The following MDGA2 variants were observed in gnomAD, a reference collection of about 807,000 sequenced individuals.
MDGA2 encodes MAM domain-containing glycosylphosphatidylinositol anchor protein 2.
MDGA2 carries 40 observed loss-of-function variants against 117.8 expected under a neutral mutation model. The ratio of observed to expected loss-of-function variants is 0.34; its 90% CI spans 0.26 to 0.44. MDGA2 has a LOEUF of 0.44. Among genes scored for constraint, MDGA2 ranks in the 20% least tolerant of loss-of-function variants. The pLI, the probability that MDGA2 is intolerant of heterozygous loss-of-function variation, is 1.00. For missense variants in MDGA2, 1,123 were observed against 1,250.6 expected, an observed-to-expected ratio of 0.90 and a Z score of 1.54; for synonymous variants, 452 against 439.0, an observed-to-expected ratio of 1.03 and a Z score of -0.37.
At chr14:47,472,758 A>G (rs550760188) in intron 1 of MDGA2, among the ~76,000 whole-genome samples, 1 of 152,246 alleles carries the variant, frequency 6.6e-6, no homozygotes, top group East Asian at 1.9e-4. Context: ...TCCTTCTTTT[A>G]CCAGCTGGAT....
At chr14:46,902,527 A>G (rs921397163) in intron 10 of MDGA2, among the ~76,000 whole-genome samples, 4 of 152,118 alleles carry the variant, frequency 2.6e-5, no homozygotes, top group Non-Finnish European at 2.9e-5. Flanking sequence ...CTTCCAAAAT[A>G]TTTGCTTTCT....
intron 5 of MDGA2, among the ~76,000 whole-genome samples, chr14:47,119,107 G>A (rs1326762711): frequency 7.2e-6 from 1 of 139,560 alleles, no homozygotes; most frequent in African/African-American, 2.7e-5. Context: ...CTGGAGTGCA[G>A]TGGCGCAGTT....
Position 47,202,195 on chromosome 14 carries a change from T to TG in MDGA2, c.595+15825dup, listed in dbSNP as rs1885532394. 2.6e-5 allele frequency among the ~76,000 whole-genome samples: 4 copies of TG among 152,132 alleles called. No individual in the cohort carries two copies. The South Asian group carries it at 8.3e-4, about 32-fold the overall frequency. On this transcript the variant is annotated intron_variant, in intron 3 of 16. Coordinates refer to ENST00000399232, the MANE Select transcript of MDGA2 (RefSeq NM_001113498.3). The stretch of plus-strand genomic sequence containing the variant: ...ATCCTTATAATGGGCTTAACACTTT[T>TG]GGGGGCAAATAGCAAGTACTTGATT...
intron 6 of MDGA2, among the ~76,000 whole-genome samples, chr14:47,063,034 C>A (rs1222303847): frequency 6.6e-6 from 1 of 151,972 alleles, no homozygotes. Flanking sequence ...ACAAAATAGA[C>A]ATAACCATGG....
chr14:47,292,123 T>C (rs1469130920), intron 2 of MDGA2, among the ~76,000 whole-genome samples: 2 of 152,208 alleles, frequency 1.3e-5, no homozygotes, highest in Non-Finnish European at 2.9e-5. Context: ...TTATATATCA[T>C]AATCCGCCTG....
At chr14:46,864,115 G>A (rs1881626698) in intron 14 of MDGA2, among the ~76,000 whole-genome samples, 1 of 127,136 alleles carries the variant, frequency 7.9e-6, no homozygotes, top group African/African-American at 3.1e-5. Flanking sequence ...CTAATTAATA[G>A]TGTTAAAACA....
chr14:46,849,680 T>C (rs1190827789), intron 15 of MDGA2, among the ~76,000 whole-genome samples: 3 of 151,930 alleles, frequency 2.0e-5, no homozygotes, highest in African/African-American at 4.8e-5. Context: ...TATTTAGCCA[T>C]AGAAGATGTG....
chr14:47,128,062 C>A (rs1881992875), intron 5 of MDGA2, among the ~76,000 whole-genome samples: 1 of 151,948 alleles, frequency 6.6e-6, no homozygotes, highest in African/African-American at 2.4e-5. Flanking sequence ...AGCTGTGGGA[C>A]CTTGGAAAAT....
At chr14:47,656,591 C>A (rs918594299) in intron 1 of MDGA2, among the ~76,000 whole-genome samples, 2 of 152,086 alleles carry the variant, frequency 1.3e-5, no homozygotes, top group African/African-American at 4.8e-5. Context: ...GTTGGCTGGA[C>A]GCCTGCAAAG....
intron 3 of MDGA2, among the ~76,000 whole-genome samples, chr14:47,167,720 C>A (rs758711769): frequency 6.6e-6 from 1 of 151,928 alleles, no homozygotes; most frequent in Non-Finnish European, 1.5e-5. Context: ...TCAGGAAGGT[C>A]AATCCTAGAA....
At chr14:46,916,788 T>C (rs1883916859) in intron 10 of MDGA2, among the ~76,000 whole-genome samples, 1 of 151,914 alleles carries the variant, frequency 6.6e-6, no homozygotes. Context: ...CAAAGTTTTC[T>C]CTCCCATGGA....
intron 2 of MDGA2, among the ~76,000 whole-genome samples, chr14:47,234,999 T>C (rs1886812891): frequency 6.6e-6 from 1 of 152,166 alleles, no homozygotes; most frequent in Admixed American, 6.5e-5. Context: ...AATTAGAGTA[T>C]GTTGAAATGA....
At chr14:46,982,734 A>AAAAAAAAAAAAAAAAAT (rs1449356596) in intron 8 of MDGA2, among the ~76,000 whole-genome samples, 57 of 130,394 alleles carry the variant, frequency 4.4e-4, no homozygotes, top group Non-Finnish European at 7.4e-4. Flanking sequence ...AAAAAAAAAA[A>AAAAAAAAAAAAAAAAAT]AATCATGTCA....
chr14:47,112,347 C>G (rs1046751806), intron 5 of MDGA2, among the ~76,000 whole-genome samples: 4 of 152,118 alleles, frequency 2.6e-5, no homozygotes, highest in Non-Finnish European at 5.9e-5. Context: ...AACCCATCAC[C>G]TAGGTATTAA....
At chr14:47,049,262 C>A (rs570203108) in intron 7 of MDGA2, among the ~76,000 whole-genome samples, 2 of 152,070 alleles carry the variant, frequency 1.3e-5, no homozygotes, top group East Asian at 1.9e-4. Flanking sequence ...AGATACAATT[C>A]TTCCTTGATA....
At chr14:46,979,245 T>C (rs77754131) in intron 8 of MDGA2, among the ~76,000 whole-genome samples, 1 of 152,018 alleles carries the variant, frequency 6.6e-6, no homozygotes, top group Non-Finnish European at 1.5e-5. Flanking sequence ...ATATGTGTTG[T>C]GTGTGTTCTG....
intron 1 of MDGA2, among the ~76,000 whole-genome samples, chr14:47,510,219 A>G (rs1385981768): frequency 2.0e-5 from 3 of 152,144 alleles, no homozygotes; most frequent in African/African-American, 7.2e-5. Context: ...AAGCAAGAAG[A>G]CAGCAGTCTG....
At chr14:46,893,059 T>C (rs112467098) in intron 10 of MDGA2, among the ~76,000 whole-genome samples, 13 of 152,052 alleles carry the variant, frequency 8.5e-5, no homozygotes, top group Middle Eastern at 3.4e-3. Context: ...CCCATGTTTA[T>C]TGCATCATTA....
At chr14:47,287,767 G>A (rs1051505982) in intron 2 of MDGA2, among the ~76,000 whole-genome samples, 4 of 152,076 alleles carry the variant, frequency 2.6e-5, no homozygotes, top group Admixed American at 2.0e-4. Context: ...GATGTTACTC[G>A]GAAATAAGGT....
Sources: gnomAD v4.1 joint callset for allele counts (sites outside exome capture counted in the v4.1 genomes callset) on GRCh38, gnomAD v4.1.1 for gene constraint, MANE v1.5 for transcripts, NCBI Gene and HGNC (gene_info 2026-07-23, HGNC 2026-07-21) for gene names.